PCDHA10: variants seen among roughly 807,000 people sequenced by gnomAD.
PCDHA10 encodes the protein protocadherin alpha 10, also known as protocadherin alpha-10.
A neutral mutation model predicts 61.2 loss-of-function variants in PCDHA10; 45 were observed. The ratio of observed to expected loss-of-function variants is 0.74; its 90% CI spans 0.58 to 0.94. The LOEUF is 0.94. PCDHA10 is among the 40% of genes least tolerant of loss of function. The pLI is 0.00. For synonymous variants in PCDHA10, 602 were observed against 548.8 expected (o/e 1.10, Z -1.35); for missense variants, 1,278 against 1,236.2 (o/e 1.03, Z -0.51).
chr5:140,977,712 T>C (rs2153814265), intron 1 of PCDHA10, among the ~76,000 whole-genome samples: 1 of 152,306 alleles, frequency 6.6e-6, no homozygotes, highest in South Asian at 2.1e-4. Context: ...AATATTGAGA[T>C]GGTGATCATT....
At chr5:140,952,529 G>A (rs1404753711) in intron 1 of PCDHA10, among the ~76,000 whole-genome samples, 1 of 152,084 alleles carries the variant, frequency 6.6e-6, no homozygotes, top group East Asian at 1.9e-4. Context: ...GACCTCCTCA[G>A]ACTGGACTTC....
chr5:140,934,043 G>A (rs1241698438), intron 1 of PCDHA10, among the ~76,000 whole-genome samples: 1 of 151,818 alleles, frequency 6.6e-6, no homozygotes, highest in African/African-American at 2.4e-5. Context: ...AATGATATTA[G>A]TCTTTCCAAG....
chr5:140,880,978 T>A lies in PCDHA10; in HGVS notation c.2388+22542T>A, dbSNP rs570855539. Among the ~76,000 whole-genome samples the A allele has an allele frequency of 3.6e-4, 55 of 152,312 alleles. No individual in the cohort carries two copies. The South Asian group carries it at 9.1e-3, about 25-fold the overall frequency. On this transcript the variant is annotated intron_variant, in intron 1 of 3. Coordinates refer to ENST00000307360, the MANE Select transcript of PCDHA10 (RefSeq NM_018901.4). ...ATGAGGGTAAGAGAATACCAAATACTCTGCCTAAATTTTCAGAGGAGAGCA... is the reference window on the plus strand; with the variant it reads ...ATGAGGGTAAGAGAATACCAAATACACTGCCTAAATTTTCAGAGGAGAGCA...
chr5:140,938,807 A>G (rs1253557528), intron 1 of PCDHA10, among the ~76,000 whole-genome samples: 1 of 152,020 alleles, frequency 6.6e-6, no homozygotes, highest in Non-Finnish European at 1.5e-5. Context: ...GGTACCACAA[A>G]CCCCTGTGAC....
intron 1 of PCDHA10, among the ~76,000 whole-genome samples, chr5:140,892,180 T>C (rs1176959692): frequency 6.6e-6 from 1 of 152,224 alleles, no homozygotes; most frequent in African/African-American, 2.4e-5. Context: ...GGGATCCTCA[T>C]GGGTCTATTC....
chr5:140,910,708 A>G (rs1227801513), intron 1 of PCDHA10, among the ~76,000 whole-genome samples: 2 of 152,164 alleles, frequency 1.3e-5, no homozygotes, highest in African/African-American at 4.8e-5. Context: ...ACAGTGGGCC[A>G]TCTTTTAATC....
intron 1 of PCDHA10, among the ~76,000 whole-genome samples, chr5:140,913,101 T>C (rs1352707377): frequency 5.9e-5 from 9 of 152,200 alleles, no homozygotes; most frequent in Non-Finnish European, 1.0e-4. Flanking sequence ...ACTGGCCTCA[T>C]AGAATCAGTT....
intron 1 of PCDHA10, among the ~76,000 whole-genome samples, chr5:140,957,407 ATTG>A (rs2095357259): frequency 6.6e-6 from 1 of 152,156 alleles, no homozygotes; most frequent in Non-Finnish European, 1.5e-5. Context: ...ATTTATTATT[ATTG>A]TTGTTAATCT....
In PCDHA10 at chr5:140,858,413, A is replaced by T. The variant is rs150984635; in HGVS notation, c.2365A>T (p.Ile789Phe). ...AGATGTGGACGGGGAAGATCAGTCT[A>T]TTGGAGGGGACCACTCTAGGAAGGT... ...MVDVDGEDQS[I>F]GGDHSRKPRQ... Residue 789 changes from isoleucine (I) to phenylalanine (F), a missense_variant, in exon 1 of 4, where the codon ATT becomes TTT. Ile to Phe is a conservative substitution (Grantham distance 21). Transcript: ENST00000307360. 1 of 1,562,352 alleles carries T rather than the reference A, an allele frequency of 6.4e-7. No homozygotes were observed.
At chr5:140,929,096 C>T (rs113293568) in intron 1 of PCDHA10, 45,094 of 1,614,150 alleles carry the variant, frequency 0.028, 813 homozygotes, top group Non-Finnish European at 0.033. Context: ...GTTTCAAATC[C>T]TTGCATGACA....
intron 1 of PCDHA10, among the ~76,000 whole-genome samples, chr5:140,892,821 T>C (rs2063687425): frequency 6.6e-6 from 1 of 152,210 alleles, no homozygotes; most frequent in Non-Finnish European, 1.5e-5. Context: ...TATCCTACAG[T>C]GCTACAGTGC....
At chr5:140,931,405 G>C (rs1395168165) in intron 1 of PCDHA10, among the ~76,000 whole-genome samples, 1 of 151,984 alleles carries the variant, frequency 6.6e-6, no homozygotes, top group South Asian at 2.1e-4. Flanking sequence ...CGATAGGAAG[G>C]CTGATGAATC....
intron 1 of PCDHA10, among the ~76,000 whole-genome samples, chr5:140,874,119 G>C (rs1256177133): frequency 6.6e-6 from 1 of 152,064 alleles, no homozygotes; most frequent in Non-Finnish European, 1.5e-5. Flanking sequence ...ACGTTTTATA[G>C]TTTATTTAAG....
At position 140,882,067 on chromosome 5, in the gene PCDHA10, G is replaced by A. The variant is rs1031145324; in HGVS notation, c.2388+23631G>A. 7.1e-6 allele frequency: 6 copies of A among 848,700 alleles called. No individual in the cohort carries two copies. The East Asian group carries it at 8.0e-5, about 11-fold the overall frequency. 52.6% of individuals were successfully genotyped at this position (848,700 alleles called of 1,614,324 possible). A position where few individuals can be genotyped will look rare whatever the true frequency, so the allele number is the denominator to read the frequency against. ...GTCATACTTACACTTACACGTTCATGCGCATGGTGTCGCTCTTCACTGAGA... is the reference window on the plus strand; with the variant it reads ...GTCATACTTACACTTACACGTTCATACGCATGGTGTCGCTCTTCACTGAGA... On this transcript the variant is annotated intron_variant, in intron 1 of 3. Transcript: ENST00000307360.
intron 1 of PCDHA10, among the ~76,000 whole-genome samples, chr5:140,887,409 T>C (rs1203976948): frequency 6.6e-6 from 1 of 152,184 alleles, no homozygotes; most frequent in African/African-American, 2.4e-5. Context: ...TATCTCATTT[T>C]TATTTTTGAA....
At chr5:140,993,877 C>T (rs1457877493) in intron 3 of PCDHA10, among the ~76,000 whole-genome samples, 4 of 152,150 alleles carry the variant, frequency 2.6e-5, no homozygotes, top group South Asian at 2.1e-4. Context: ...TGTGTAAGTA[C>T]GCTCTATGAT....
chr5:140,932,351 A>G (rs1401387848), intron 1 of PCDHA10, among the ~76,000 whole-genome samples: 1 of 151,920 alleles, frequency 6.6e-6, no homozygotes, highest in African/African-American at 2.4e-5. Context: ...TTACCATACA[A>G]CTGGCCTTAT....
chr5:140,952,058 T>A (rs889374877), intron 1 of PCDHA10, among the ~76,000 whole-genome samples: 7 of 151,978 alleles, frequency 4.6e-5, no homozygotes, highest in Non-Finnish European at 8.8e-5. Context: ...ATCTTAAAGC[T>A]CCAAATAATC....
chr5:141,002,173 C>T (rs1442739241), intron 3 of PCDHA10, among the ~76,000 whole-genome samples: 2 of 152,192 alleles, frequency 1.3e-5, no homozygotes, highest in Non-Finnish European at 2.9e-5. Flanking sequence ...TAGGCAGGCT[C>T]CAGAGTGCTG....
Sources: gnomAD v4.1 joint callset for allele counts (sites outside exome capture counted in the v4.1 genomes callset) on GRCh38, gnomAD v4.1.1 for gene constraint, MANE v1.5 for transcripts, NCBI Gene and HGNC (gene_info 2026-07-23, HGNC 2026-07-21) for gene names.